The following MRC2 variants were observed in gnomAD, a reference collection of about 807,000 sequenced individuals.
MRC2 encodes the protein mannose receptor C-type 2, also known as C-type mannose receptor 2.
In MRC2, 84 loss-of-function variants were observed where a neutral mutation model predicts 206.2. That is an observed-to-expected ratio of 0.41 (90% CI 0.34 to 0.49). The LOEUF (loss-of-function observed/expected upper bound fraction) is 0.49. Among genes scored for constraint, MRC2 ranks in the 20% least tolerant of loss-of-function variants. The probability of loss-of-function intolerance (pLI) is 0.31; values close to 1 mark genes in which losing one functional copy is unlikely to be tolerated. For missense variants in MRC2, 1,676 were observed against 2,001.5 expected, an observed-to-expected ratio of 0.84 and a Z score of 3.10; for synonymous variants, 798 against 800.0, an observed-to-expected ratio of 1.00 and a Z score of 0.04.
intron 11 of MRC2, 123 bp from the exon 12 acceptor site, chr17:62,677,146 C>A: frequency 1.3e-6 from 1 of 754,894 alleles, no homozygotes; most frequent in Non-Finnish European, 2.1e-6. Flanking sequence ...GAGAGCATGT[C>A]TCTGAAGAGG....
chr17:62,646,778 G>A (rs2088491908), intron 1 of MRC2, among the ~76,000 whole-genome samples: 1 of 152,210 alleles, frequency 6.6e-6, no homozygotes, highest in Non-Finnish European at 1.5e-5. Flanking sequence ...GTCCCGCAGG[G>A]TTAAGTTTGA....
rs1472277488 is a variant in MRC2 at position 62,682,264 on chromosome 17, G to A, written c.2833G>A (p.Ala945Thr). 3 of 1,601,500 alleles carry A rather than the reference G, an allele frequency of 1.9e-6. No homozygotes were observed. Among genetic ancestry groups the A allele is most frequent in the Admixed American group, 1.7e-5 (1 of 58,844 alleles). The change falls in exon 20 of 30, where the codon GCC (alanine) becomes ACC (threonine). Residue 945 changes from alanine (A) to threonine (T), a missense_variant. By Grantham distance (58) the Ala-to-Thr change is moderately conservative. Coordinates refer to ENST00000303375, the MANE Select transcript of MRC2 (RefSeq NM_006039.5). The part of the protein sequence containing the change: ...EDWGDQRCLT[A>T]LPYICKRSNV... ...CTGGGGGGACCAGAGGTGCCTGACA[G>A]CCTTGCCCTACATCTGCAAGCGCAG...
chr17:62,688,525 A>G lies in MRC2; in HGVS notation c.3086A>G (p.Asn1029Ser). The stretch of plus-strand genomic sequence containing the variant: ...GCATTCATCACAGCCAGCCTGCCCA[A>G]TGTGACCTTTGACCTTTGGATTGGC... ...EQAFITASLP[N>S]VTFDLWIGLH... Residue 1029 changes from asparagine to serine, a missense_variant, in exon 22 of 30, where the codon AAT becomes AGT. Coordinates refer to ENST00000303375, the MANE Select transcript of MRC2 (RefSeq NM_006039.5). The G allele has an allele frequency of 6.2e-7, 1 of 1,614,210 alleles. No homozygotes were observed. The highest frequency in any genetic ancestry group is 2.2e-5 in the East Asian group (1 of 44,870).
intron 6 of MRC2, among the ~76,000 whole-genome samples, chr17:62,670,791 C>T (rs1469035374): frequency 6.6e-6 from 1 of 152,144 alleles, no homozygotes; most frequent in Non-Finnish European, 1.5e-5. Context: ...CTAATGTTCT[C>T]GGTTGCCCGT....
rs148915148 is a variant in MRC2, at chr17:62,686,380, G to C, written c.2947-1909G>C. Among the ~76,000 whole-genome samples, 983 of 152,252 alleles carry C rather than the reference G, an allele frequency of 6.5e-3. 16 individuals carry two copies. Among genetic ancestry groups the C allele is most frequent in the African/African-American group, 0.022 (926 of 41,536 alleles). On this transcript the variant is annotated intron_variant, in intron 20 of 29. Coordinates refer to ENST00000303375, the MANE Select transcript of MRC2 (RefSeq NM_006039.5). ...AGGCAGGAGAATAGCTTGAACCTGGGAGGCGGAGGTTGCAGTGAGCTGAGA... is the reference window on the plus strand; with the variant it reads ...AGGCAGGAGAATAGCTTGAACCTGGCAGGCGGAGGTTGCAGTGAGCTGAGA...
chr17:62,634,988 G>A (rs2088294464), intron 1 of MRC2, among the ~76,000 whole-genome samples: 1 of 151,798 alleles, frequency 6.6e-6, no homozygotes, highest in Non-Finnish European at 1.5e-5. Context: ...GTGCCACCAC[G>A]CCCAGCTAAT....
chr17:62,676,240 G>A, intron 10 of MRC2, 143 bp from the exon 11 acceptor site: 1 of 993,002 alleles, frequency 1.0e-6, no homozygotes, highest in Non-Finnish European at 1.4e-6. Context: ...TAAATCAGCT[G>A]CAGGGCTCCC....
chr17:62,653,629 C>A (rs2088584174), intron 1 of MRC2, among the ~76,000 whole-genome samples: 1 of 152,196 alleles, frequency 6.6e-6, no homozygotes, highest in African/African-American at 2.4e-5. Flanking sequence ...CAAAGGGTGG[C>A]CTGTGACAGC....
chr17:62,681,049 C>T lies in MRC2; in HGVS notation c.2635-13C>T. The T allele has an allele frequency of 6.2e-7, 1 of 1,613,312 alleles. No individual in the cohort carries two copies. Among genetic ancestry groups the T allele is most frequent in the South Asian group, 1.1e-5 (1 of 91,086 alleles). On this transcript the variant is annotated splice_polypyrimidine_tract_variant and intron_variant, in intron 17 of 29. Coordinates refer to ENST00000303375, the MANE Select transcript of MRC2 (RefSeq NM_006039.5). The stretch of plus-strand genomic sequence containing the variant: ...GGGCTGCCTACCCACACCTGCCCGC[C>T]TGGCTTCTCCAGTTCTCCCGGGCCC...
rs942354247 is a variant in MRC2, at chr17:62,681,822, T to A, written c.2703-15T>A. ...GGGCCGGTGCTGGAGTTACCTCTGC[T>A]CCATGCCATTGCAGATGGACAGATG... On this transcript the variant is annotated splice_polypyrimidine_tract_variant and intron_variant, in intron 18 of 29. Coordinates refer to ENST00000303375, the MANE Select transcript of MRC2 (RefSeq NM_006039.5). 6.2e-7 allele frequency: 1 copy of A among 1,605,392 alleles called. No individual in the cohort carries two copies. The highest frequency in any genetic ancestry group is 8.5e-7 in the Non-Finnish European group (1 of 1,173,754).
chr17:62,687,379 C>T (rs1568071437), intron 20 of MRC2, among the ~76,000 whole-genome samples: 2 of 152,164 alleles, frequency 1.3e-5, no homozygotes, highest in Non-Finnish European at 2.9e-5. Context: ...AGGCTGGTCT[C>T]GAACTCCAGA....
chr17:62,691,431 G>C (rs937156289), intron 28 of MRC2, among the ~76,000 whole-genome samples: 2 of 152,204 alleles, frequency 1.3e-5, no homozygotes, highest in Non-Finnish European at 2.9e-5. Context: ...GTGTGACCTT[G>C]GGCAGAGTCT....
rs766959006 is a variant in MRC2, at chr17:62,690,157, G to A, written c.3744G>A (p.Gly1248=). The change falls in exon 26 of 30, where the codon GGG becomes GGA. Residue 1248 remains glycine (G), a splice_region_variant and synonymous_variant. Coordinates refer to ENST00000303375, the MANE Select transcript of MRC2 (RefSeq NM_006039.5). ...CTTCTTAATCCTGTACCCCCACAGG[G>A]CCCCCTCCTCCCCGAAGAATAAGCT... ...LQGAVCGVSS[G]PPPPRRISYH... is the part of the protein sequence containing the mutation. 17 of 1,602,100 alleles carry A rather than the reference G, an allele frequency of 1.1e-5. No homozygotes were observed. Among genetic ancestry groups the A allele is most frequent in the Middle Eastern group, 1.7e-4 (1 of 6,036 alleles).
chr17:62,676,933 A>C (rs77281782), intron 11 of MRC2, among the ~76,000 whole-genome samples: 2,868 of 152,362 alleles, frequency 0.019, 102 homozygotes, highest in African/African-American at 0.065. Context: ...TGTGTTCAGA[A>C]TACTGAGCGC....
Position 62,692,946 on chromosome 17 carries a change from C to T in MRC2, c.*495C>T, listed in dbSNP as rs542872460. On this transcript the variant is annotated 3_prime_UTR_variant, in exon 30 of 30. Transcript: ENST00000303375. This position sits in a 1 kb window ranked among gnomAD's most constrained non-coding sequence, Gnocchi z 4.2. ...TCTCTCCCACCCCTTCCTTCTGAGC[C>T]GGGCCCTGGGGATTGGGGAGCCCTC... The T allele has an allele frequency of 8.2e-4, 129 of 158,072 alleles. 2 individuals carry two copies. The highest frequency in any genetic ancestry group is 6.9e-3 in the Admixed American group (112 of 16,334). 9.8% of individuals were successfully genotyped at this position (158,072 alleles called of 1,614,324 possible).
intron 1 of MRC2, among the ~76,000 whole-genome samples, chr17:62,647,265 C>T (rs2088501974): frequency 6.8e-6 from 1 of 147,152 alleles, no homozygotes; most frequent in South Asian, 2.1e-4. Flanking sequence ...CTCACTGCAA[C>T]CTCCGCCTCC....
intron 1 of MRC2, among the ~76,000 whole-genome samples, chr17:62,640,017 C>CTTTTTTTTTTTT (rs56703312): frequency 0.012 from 921 of 74,314 alleles, no homozygotes; most frequent in Non-Finnish European, 0.014. Flanking sequence ...CCATGCCCAG[C>CTTTTTTTTTTTT]TTTTTTTTTT....
At position 62,667,415 on chromosome 17, in the gene MRC2, G is replaced by A; in HGVS notation, c.999G>A (p.Glu333=). The A allele has an allele frequency of 1.9e-6, 3 of 1,610,130 alleles. No individual in the cohort carries two copies. The highest frequency in any genetic ancestry group is 1.1e-5 in the South Asian group (1 of 90,588). ...ACCAGCCGGACAACCCCAGTGAGGAGAACTGTGGAGTGATCCGCACTGAGT... is the reference window on the plus strand; with the variant it reads ...ACCAGCCGGACAACCCCAGTGAGGAAAACTGTGGAGTGATCCGCACTGAGT... ...ESDQPDNPSE[E]NCGVIRTESS... is the part of the protein sequence containing the mutation. The change falls in exon 6 of 30, where the codon GAG becomes GAA. Residue 333 remains glutamate (E), a synonymous_variant. Transcript: ENST00000303375. The surrounding 1 kb of genome is among the most constrained non-coding windows in gnomAD (Gnocchi z 4.1).
At chr17:62,660,392 G>C (rs1399195625) in intron 1 of MRC2, among the ~76,000 whole-genome samples, 1 of 152,186 alleles carries the variant, frequency 6.6e-6, no homozygotes, top group Non-Finnish European at 1.5e-5. Context: ...CCTGAACTGT[G>C]CATTTGCAGG....
Sources: gnomAD v4.1 joint callset for allele counts (sites outside exome capture counted in the v4.1 genomes callset) on GRCh38, gnomAD v4.1.1 for gene constraint, Gnocchi (gnomAD v3.1) non-coding constraint, MANE v1.5 for transcripts, NCBI Gene and HGNC (gene_info 2026-07-23, HGNC 2026-07-21) for gene names.